WNT9B: variants seen among roughly 807,000 people sequenced by gnomAD.
WNT9B encodes protein Wnt-9b.
In WNT9B, 12 loss-of-function variants were observed where a neutral mutation model predicts 30.2. The observed-to-expected ratio is 0.40, with a 90% CI of 0.26 to 0.64. The LOEUF is 0.64. WNT9B is among the 30% of genes least tolerant of loss of function. The pLI is 0.42. For synonymous variants in WNT9B, 218 were observed against 216.9 expected, an observed-to-expected ratio of 1.01 and a Z score of -0.05; for missense variants, 442 against 485.2, an observed-to-expected ratio of 0.91 and a Z score of 0.84.
chr17:46,843,871 T>C (rs548206052), intron 1 of WNT9B, among the ~76,000 whole-genome samples: 1 of 152,354 alleles, frequency 6.6e-6, no homozygotes, highest in Non-Finnish European at 1.5e-5. Flanking sequence ...AAGAACTGAC[T>C]TCATCATCTC....
At chr17:46,865,425 A>G (rs1235087133) in intron 1 of WNT9B, among the ~76,000 whole-genome samples, 1 of 150,538 alleles carries the variant, frequency 6.6e-6, no homozygotes, top group African/African-American at 2.4e-5. Context: ...GTGGGGGACG[A>G]GGCTGTGGGG....
intron 3 of WNT9B, 101 bp from the exon 4 acceptor site, chr17:46,876,144 C>T (rs756048352): frequency 9.2e-5 from 107 of 1,163,440 alleles, no homozygotes; most frequent in Admixed American, 2.0e-4. Context: ...GTCTCTTTCC[C>T]ATTCTCCTGC....
chr17:46,837,641 C>G (rs1390587312), intron 1 of WNT9B, among the ~76,000 whole-genome samples: 1 of 152,182 alleles, frequency 6.6e-6, no homozygotes, highest in Non-Finnish European at 1.5e-5. Context: ...TCTGGGGTGA[C>G]TCCAAAGGAC....
chr17:46,871,601 A>C (rs189091576), intron 1 of WNT9B, among the ~76,000 whole-genome samples: 74 of 152,286 alleles, frequency 4.9e-4, no homozygotes, highest in Admixed American at 9.8e-4. Context: ...AGTCCATTTC[A>C]TATAATCCTC....
intron 1 of WNT9B, among the ~76,000 whole-genome samples, chr17:46,845,398 G>A (rs533393776): frequency 1.3e-5 from 2 of 152,108 alleles, no homozygotes; most frequent in African/African-American, 2.4e-5. Flanking sequence ...TATTCACGGT[G>A]AGCCCAGTGC....
intron 1 of WNT9B, among the ~76,000 whole-genome samples, chr17:46,857,459 A>C (rs915527426): frequency 7.0e-6 from 1 of 142,214 alleles, no homozygotes; most frequent in African/African-American, 2.7e-5. Context: ...TGGGCAACAG[A>C]GCAAGACTCT....
chr17:46,882,043 C>T (rs997054563), downstream of WNT9B, among the ~76,000 whole-genome samples: 18 of 152,154 alleles, frequency 1.2e-4, no homozygotes, highest in Non-Finnish European at 2.6e-4. Flanking sequence ...ATAATCCCAG[C>T]GATTGGAGAG....
intron 1 of WNT9B, among the ~76,000 whole-genome samples, chr17:46,866,467 A>AGTGT (rs997916157): frequency 6.6e-6 from 1 of 151,370 alleles, no homozygotes. Context: ...AGGGAGTGTG[A>AGTGT]GTGTGTGTGT....
In WNT9B at chr17:46,877,593, G is replaced by A. The variant is rs969571007; in HGVS notation, c.*875G>A. ...GGCCAAAGGAATCTTCACTCCCAGC[G>A]CAGAGGAGGAGGGCAACAGCTTCCT... is the stretch of plus-strand genomic sequence containing the variant. On this transcript the variant is annotated 3_prime_UTR_variant, in exon 4 of 4. Transcript: ENST00000290015. Among the ~76,000 whole-genome samples the A allele has an allele frequency of 2.6e-5, 4 of 152,142 alleles. No individual in the cohort carries two copies. Among genetic ancestry groups the A allele is most frequent in the Admixed American group, 6.5e-5 (1 of 15,284 alleles).
chr17:46,848,182 A>G (rs7220040), upstream of WNT9B, among the ~76,000 whole-genome samples: 29,848 of 152,088 alleles, frequency 0.2, 3,601 homozygotes, highest in East Asian at 0.5. Flanking sequence ...CCATGGGGGA[A>G]CAGTGGGGGT....
In WNT9B at chr17:46,878,249, C is replaced by G. The variant is rs922469622; in HGVS notation, c.*1531C>G. On this transcript the variant is annotated 3_prime_UTR_variant, in exon 4 of 4. Coordinates refer to ENST00000290015, the MANE Select transcript of WNT9B (RefSeq NM_003396.3). Reference sequence around the variant, plus strand: ...CGCCCATCTGTCAGCTTCCTTTCTCCCTAAACCTAGAGTTGCTGACCCTTC... The same window carrying G: ...CGCCCATCTGTCAGCTTCCTTTCTCGCTAAACCTAGAGTTGCTGACCCTTC... Among the ~76,000 whole-genome samples, 2 of 152,242 alleles carry G rather than the reference C, an allele frequency of 1.3e-5. No homozygotes were observed. The highest frequency in any genetic ancestry group is 2.9e-5 in the Non-Finnish European group (2 of 68,044).
intron 1 of WNT9B, among the ~76,000 whole-genome samples, chr17:46,859,836 T>C (rs1031101167): frequency 6.6e-6 from 1 of 152,246 alleles, no homozygotes; most frequent in African/African-American, 2.4e-5. Context: ...AGGCCATATC[T>C]TTCTATTTAG....
intron 2 of WNT9B, among the ~76,000 whole-genome samples, chr17:46,874,481 A>G (rs1393979009): frequency 6.6e-6 from 1 of 152,174 alleles, no homozygotes; most frequent in Non-Finnish European, 1.5e-5. Flanking sequence ...TTCTTCTCTG[A>G]GAGGTGAAGG....
chr17:46,841,910 T>C (rs1007705769), intron 1 of WNT9B, among the ~76,000 whole-genome samples: 8 of 152,230 alleles, frequency 5.3e-5, no homozygotes, highest in African/African-American at 1.9e-4. Context: ...GGGGGGTCTC[T>C]GGTCCGCGAG....
chr17:46,881,579 C>G (rs532738478), downstream of WNT9B, among the ~76,000 whole-genome samples: 1 of 152,332 alleles, frequency 6.6e-6, no homozygotes, highest in East Asian at 1.9e-4. Flanking sequence ...ACACCATCCT[C>G]ACCTCCTCCT....
downstream of WNT9B, among the ~76,000 whole-genome samples, chr17:46,883,314 C>T (rs1437468535): frequency 1.5e-5 from 2 of 136,044 alleles, no homozygotes; most frequent in Non-Finnish European, 3.1e-5. Context: ...GATGGAGTCT[C>T]GCTTTTGTCA....
chr17:46,884,455 T>C (rs1284967668), downstream of WNT9B, among the ~76,000 whole-genome samples: 1 of 151,802 alleles, frequency 6.6e-6, no homozygotes, highest in Non-Finnish European at 1.5e-5. Flanking sequence ...GCTCTGCTTC[T>C]CATGTTTCCC....
downstream of WNT9B, among the ~76,000 whole-genome samples, chr17:46,882,250 A>G (rs2085433053): frequency 6.6e-6 from 1 of 152,200 alleles, no homozygotes. Flanking sequence ...ATGTCTCTCC[A>G]GCTCCCTGTA....
intron 1 of WNT9B, among the ~76,000 whole-genome samples, chr17:46,858,691 G>A (rs148759984): frequency 6.6e-6 from 1 of 152,108 alleles, no homozygotes; most frequent in South Asian, 2.1e-4. Flanking sequence ...TGTAGGATGG[G>A]TGTAAATAGT....
Sources: allele counts gnomAD v4.1 joint callset (sites outside exome capture counted in the v4.1 genomes callset), GRCh38; gene constraint gnomAD v4.1.1; transcripts MANE v1.5; gene names NCBI Gene and HGNC (gene_info 2026-07-23, HGNC 2026-07-21).